Variants in TADA2B observed in about 807,000 individuals in gnomAD.
The protein encoded by TADA2B is transcriptional adaptor 2B.
A neutral mutation model predicts 34.5 loss-of-function variants in TADA2B; 13 were observed. The ratio of observed to expected loss-of-function variants is 0.38; its 90% CI spans 0.25 to 0.60. The LOEUF (loss-of-function observed/expected upper bound fraction) is 0.60, where lower values mean the gene tolerates loss of function less well. TADA2B is among the 20% of genes least tolerant of loss of function. TADA2B has a pLI of 0.65. For synonymous variants in TADA2B, 240 were observed against 243.4 expected (o/e 0.99, Z 0.13); for missense variants, 442 against 575.0 (o/e 0.77, Z 2.37).
intron 1 of TADA2B, among the ~76,000 whole-genome samples, chr4:7,050,790 C>T (rs565870191): frequency 1.0e-3 from 158 of 152,350 alleles, no homozygotes; most frequent in African/African-American, 3.6e-3. Context: ...GCCCAGCGTC[C>T]GGCTTCGCTC....
intron 1 of TADA2B, among the ~76,000 whole-genome samples, chr4:7,052,451 G>C (rs547048845): frequency 6.6e-6 from 1 of 152,230 alleles, no homozygotes; most frequent in Non-Finnish European, 1.5e-5. Flanking sequence ...CAAGGTTGTC[G>C]GGGAAGAGCA....
In TADA2B at chr4:7,043,905, C is replaced by T. The variant is rs1187937170; in HGVS notation, c.270+56C>T. Reference sequence around the variant, plus strand: ...CTAGGGCACTGGAAGGCCCGCGCCTCTCCTGTAATCGGGCGCGCAGGCAGC... The same window carrying T: ...CTAGGGCACTGGAAGGCCCGCGCCTTTCCTGTAATCGGGCGCGCAGGCAGC... On this transcript the variant is annotated intron_variant, in intron 1 of 1. Coordinates refer to ENST00000310074, the MANE Select transcript of TADA2B (RefSeq NM_152293.3). 6.3e-6 allele frequency: 9 copies of T among 1,425,384 alleles called. No homozygotes were observed. In the Admixed American group the frequency reaches 1.6e-4, roughly 25 times the overall value. 88.3% of individuals were successfully genotyped at this position (1,425,384 alleles called of 1,614,324 possible).
At chr4:7,053,975 C>G in intron 1 of TADA2B, 87 bp from the exon 2 acceptor site, 1 of 1,435,816 alleles carries the variant, frequency 7.0e-7, no homozygotes, top group African/African-American at 1.4e-5. Context: ...TCTAGGTCAG[C>G]CTTTGTAAAA....
Position 7,057,449 on chromosome 4 carries a change from A to T in TADA2B, c.*2395A>T, listed in dbSNP as rs1454112807. 6.6e-6 allele frequency: 1 copy of T among 152,184 alleles called. No homozygotes were observed. Among genetic ancestry groups the T allele is most frequent in the Non-Finnish European group, 1.5e-5 (1 of 68,046 alleles). The allele number at this position is 152,184 out of a possible 1,614,324, so 9.4% of individuals were successfully genotyped here. On this transcript the variant is annotated 3_prime_UTR_variant, in exon 2 of 2. Coordinates refer to ENST00000310074, the MANE Select transcript of TADA2B (RefSeq NM_152293.3). ...TCAGAGCCTCCACATTTTTATATTT[A>T]ATTCTCATGATAAATTAGCCACCAT... is the stretch of plus-strand genomic sequence containing the variant.
At chr4:7,043,943 C>T (rs1354081558) in intron 1 of TADA2B, 94 bp downstream of exon 1, 7 of 1,338,808 alleles carry the variant, frequency 5.2e-6, no homozygotes, top group South Asian at 1.8e-5. Context: ...TGGACCTGCT[C>T]GCTCGCTCCG....
chr4:7,045,457 C>T (rs1051914341), intron 1 of TADA2B, among the ~76,000 whole-genome samples: 1 of 152,250 alleles, frequency 6.6e-6, no homozygotes, highest in Non-Finnish European at 1.5e-5. Context: ...CAAAGCGCCT[C>T]ACACCGGCCT....
At chr4:7,052,450 C>T (rs372181673) in intron 1 of TADA2B, among the ~76,000 whole-genome samples, 6 of 152,316 alleles carry the variant, frequency 3.9e-5, no homozygotes, top group Admixed American at 6.5e-5. Context: ...CCAAGGTTGT[C>T]GGGGAAGAGC....
chr4:7,054,789 A>T lies in TADA2B; in HGVS notation c.998A>T (p.Asp333Val). 6.2e-7 allele frequency: 1 copy of T among 1,613,916 alleles called. No individual in the cohort carries two copies. The highest frequency in any genetic ancestry group is 8.5e-7 in the Non-Finnish European group (1 of 1,179,906). The change falls in exon 2 of 2, where the codon GAC becomes GTC. Residue 333 changes from aspartate (D) to valine (V), a missense_variant. This residue lies in a region of TADA2B where 114 missense variants were observed against 144.7 expected (regional missense o/e 0.79). Transcript: ENST00000310074. Reference sequence around the variant, plus strand: ...GCCGGCTCCAAACGGGGAAAGGAGGACGGCAAAGACAGCGAGTTCGCCGCC... The same window carrying T: ...GCCGGCTCCAAACGGGGAAAGGAGGTCGGCAAAGACAGCGAGTTCGCCGCC... ...NLAGSKRGKEDGKDSEFAAIE... is the reference protein window; with the variant it reads ...NLAGSKRGKEVGKDSEFAAIE...
At position 7,043,528 on chromosome 4, in the gene TADA2B, CG is replaced by C; in HGVS notation, c.-47del. ...CCGCGGGCGGCGGGGCGCTGACGGC[CG>C]GGGGCGCGGCGGCTGCGGCGGGCCG... On this transcript the variant is annotated 5_prime_UTR_variant, in exon 1 of 2. Transcript: ENST00000310074. 1 of 1,037,038 alleles carries C rather than the reference CG, an allele frequency of 9.6e-7. No homozygotes were observed. The allele number at this position is 1,037,038 out of a possible 1,614,324, so 64.2% of individuals were successfully genotyped here.
Position 7,057,455 on chromosome 4 carries a change from CA to C in TADA2B, c.*2402del, listed in dbSNP as rs1237954628. On this transcript the variant is annotated 3_prime_UTR_variant, in exon 2 of 2. Transcript: ENST00000310074. ...CCTCCACATTTTTATATTTAATTCTCATGATAAATTAGCCACCATAATCCCA... is the reference window on the plus strand; with the variant it reads ...CCTCCACATTTTTATATTTAATTCTCTGATAAATTAGCCACCATAATCCCA... 1 of 152,218 alleles carries C rather than the reference CA, an allele frequency of 6.6e-6. No homozygotes were observed. Among genetic ancestry groups the C allele is most frequent in the Non-Finnish European group, 1.5e-5 (1 of 68,036 alleles). The allele number at this position is 152,218 out of a possible 1,614,324, so 9.4% of individuals were successfully genotyped here.
At chr4:7,053,217 G>A (rs1262519084) in intron 1 of TADA2B, 1 of 152,298 alleles carries the variant, frequency 6.6e-6, no homozygotes, top group Non-Finnish European at 1.5e-5. Flanking sequence ...TTGACTTTGA[G>A]GAAGAGGCCT....
chr4:7,045,708 C>G (rs1322915652), intron 1 of TADA2B: 1 of 152,258 alleles, frequency 6.6e-6, no homozygotes, highest in African/African-American at 2.4e-5. Flanking sequence ...CATATCTGTG[C>G]GTATCTCAGG....
chr4:7,052,574 G>A (rs1723795785), intron 1 of TADA2B, among the ~76,000 whole-genome samples: 1 of 152,202 alleles, frequency 6.6e-6, no homozygotes, highest in African/African-American at 2.4e-5. Context: ...GGTGTGTGGG[G>A]CTGCACGTGT....
Position 7,055,143 on chromosome 4 carries a change from C to G in TADA2B, c.*89C>G, listed in dbSNP as rs953153836. 1.5e-6 allele frequency: 2 copies of G among 1,346,204 alleles called. No individual in the cohort carries two copies. The highest frequency in any genetic ancestry group is 1.5e-5 in the African/African-American group (1 of 67,788). The allele number at this position is 1,346,204 out of a possible 1,614,324, so 83.4% of individuals were successfully genotyped here. A position where few individuals can be genotyped will look rare whatever the true frequency, so the allele number is the denominator to read the frequency against. On this transcript the variant is annotated 3_prime_UTR_variant, in exon 2 of 2. Coordinates refer to ENST00000310074, the MANE Select transcript of TADA2B (RefSeq NM_152293.3). ...GAGGGGAGCCGCTTCCCCACTGTTG[C>G]TCTTTTTTAAACAAATTGAGTTCCT... is the stretch of plus-strand genomic sequence containing the variant.
Position 7,054,886 on chromosome 4 carries a change from T to G in TADA2B, c.1095T>G (p.Ser365Arg), listed in dbSNP as rs781069231. Residue 365 changes from serine to arginine, a missense_variant, in exon 2 of 2, where the codon AGT (serine) becomes AGG (arginine). Coordinates refer to ENST00000310074, the MANE Select transcript of TADA2B (RefSeq NM_152293.3). Reference sequence around the variant, plus strand: ...TGCTCTGCAGCTCTTTAAACTTGAGTCCAGCCCGCTACGTGACTGTGAAGA... The same window carrying G: ...TGCTCTGCAGCTCTTTAAACTTGAGGCCAGCCCGCTACGTGACTGTGAAGA... The part of the protein sequence containing the change: ...EKVLCSSLNL[S>R]PARYVTVKTI... 1.9e-6 allele frequency: 3 copies of G among 1,613,880 alleles called. No homozygotes were observed. The highest frequency in any genetic ancestry group is 2.5e-6 in the Non-Finnish European group (3 of 1,179,886).
intron 1 of TADA2B, among the ~76,000 whole-genome samples, chr4:7,050,307 G>C (rs998914117): frequency 2.6e-5 from 4 of 152,270 alleles, no homozygotes; most frequent in African/African-American, 4.8e-5. Flanking sequence ...TGGCCCTGCA[G>C]GGGCCACCAG....
intron 1 of TADA2B, among the ~76,000 whole-genome samples, chr4:7,051,560 C>T (rs1374101512): frequency 6.6e-6 from 1 of 151,550 alleles, no homozygotes; most frequent in Non-Finnish European, 1.5e-5. Context: ...CCTAGTGTTG[C>T]TAACTTGAAA....
Position 7,043,756 on chromosome 4 carries a change from C to T in TADA2B, c.177C>T (p.Phe59=), listed in dbSNP as rs771018506. Residue 59 remains phenylalanine, a synonymous_variant, in exon 1 of 2, where the codon TTC becomes TTT. Coordinates refer to ENST00000310074, the MANE Select transcript of TADA2B (RefSeq NM_152293.3). ...HGYQLVDGGR[F]TLWGPEAEGG... is the part of the protein sequence containing the mutation. ...ACCAGCTGGTGGACGGCGGGCGCTT[C>T]ACGCTCTGGGGGCCCGAGGCCGAGG... The T allele has an allele frequency of 1.2e-5, 19 of 1,583,362 alleles. No homozygotes were observed. The highest frequency in any genetic ancestry group is 3.6e-4 in the Middle Eastern group (2 of 5,594).
At chr4:7,044,155 T>G (rs914584042) in intron 1 of TADA2B, among the ~76,000 whole-genome samples, 3 of 152,102 alleles carry the variant, frequency 2.0e-5, no homozygotes. Context: ...GTTTGCGGAG[T>G]GCAGACGTTG....
Sources: allele counts gnomAD v4.1 joint callset (sites outside exome capture counted in the v4.1 genomes callset), GRCh38; gene constraint gnomAD v4.1.1; regional missense constraint gnomAD v4.1.1; transcripts MANE v1.5; gene names NCBI Gene and HGNC (gene_info 2026-07-23, HGNC 2026-07-21).